Variants in HOXA6 observed in about 807,000 individuals in gnomAD.
The protein encoded by HOXA6 is homeobox protein Hox-A6.
HOXA6 carries 19 observed loss-of-function variants against 23.2 expected under a neutral mutation model. That is an observed-to-expected ratio of 0.82 (90% CI 0.57 to 1.20). The LOEUF is 1.20. Ranked by LOEUF, HOXA6 falls within the 50% of genes most tolerant of loss-of-function variation. The probability of loss-of-function intolerance (pLI) is 0.00; values close to 1 mark genes in which losing one functional copy is unlikely to be tolerated. For synonymous variants in HOXA6, 140 were observed against 132.6 expected (o/e 1.06, Z -0.38); for missense variants, 346 against 313.6 (o/e 1.10, Z -0.78).
chr7:27,146,100 T>C (rs1481241593), intron 1 of HOXA6, among the ~76,000 whole-genome samples, 183 bp from the exon 2 acceptor site: 2 of 152,230 alleles, frequency 1.3e-5, no homozygotes, highest in African/African-American at 2.4e-5. Flanking sequence ...AGCGAGATGT[T>C]TTCCACCTAT....
chr7:27,147,058 G>A (rs1261424934), intron 1 of HOXA6: 1 of 554,466 alleles, frequency 1.8e-6, no homozygotes, highest in South Asian at 2.5e-5. Flanking sequence ...TCTCATATAC[G>A]TGCCAGTGCC....
rs771103652 is a variant in HOXA6 at position 27,145,777 on chromosome 7, T to C, written c.583A>G (p.Thr195Ala). ...AACCAGATCTTGATCTGGCGCTCGGTGAGGCAGAGCGCGTTGGCGATCTCG... is the reference window on the plus strand; with the variant it reads ...AACCAGATCTTGATCTGGCGCTCGGCGAGGCAGAGCGCGTTGGCGATCTCG... ...RIEIANALCL[T>A]ERQIKIWFQN... Residue 195 changes from threonine to alanine, a missense_variant, in exon 2 of 2, where the codon ACC becomes GCC. By Grantham distance (58) the Thr-to-Ala change is moderately conservative (BLOSUM62 0). Coordinates refer to ENST00000222728, the MANE Select transcript of HOXA6 (RefSeq NM_024014.4). The C allele has an allele frequency of 2.0e-5, 33 of 1,614,104 alleles. No individual in the cohort carries two copies. The highest frequency in any genetic ancestry group is 2.8e-5 in the Non-Finnish European group (33 of 1,180,038).
chr7:27,147,387 T>TC lies in HOXA6; in HGVS notation c.362_363insG (p.Ala122SerfsTer4). ...GGTCGGCGCCTTCGTCATGGAGTGC[T>TC]TTGCCCTGCCCGCTGCTGCTGTCGG... On this transcript the variant is annotated frameshift_variant, in exon 1 of 2. Coordinates refer to ENST00000222728, the MANE Select transcript of HOXA6 (RefSeq NM_024014.4). LOFTEE classifies it high-confidence loss of function. 1 of 1,614,196 alleles carries TC rather than the reference T, an allele frequency of 6.2e-7. No homozygotes were observed. Among genetic ancestry groups the TC allele is most frequent in the Non-Finnish European group, 8.5e-7 (1 of 1,180,032 alleles).
Position 27,147,681 on chromosome 7 carries a change from G to C in HOXA6, c.69C>G (p.Gly23=), listed in dbSNP as rs149022222. ...AGCCAGCCTGGTAGAGGGGCAGCTGGCCCAAGAAGGAGTCCTGGCCGCTGG... is the reference window on the plus strand; with the variant it reads ...AGCCAGCCTGGTAGAGGGGCAGCTGCCCCAAGAAGGAGTCCTGGCCGCTGG... ...SLPSGQDSFL[G]QLPLYQAGYD... Residue 23 remains glycine, a synonymous_variant, in exon 1 of 2, where the codon GGC becomes GGG. Coordinates refer to ENST00000222728, the MANE Select transcript of HOXA6 (RefSeq NM_024014.4). 6.8e-6 allele frequency: 11 copies of C among 1,613,812 alleles called. No individual in the cohort carries two copies. In the African/African-American group the frequency reaches 1.5e-4, roughly 22 times the overall value.
rs1359587108 is a variant in HOXA6 at position 27,145,953 on chromosome 7, G to A, written c.443-36C>T. 2.5e-6 allele frequency: 4 copies of A among 1,593,948 alleles called. No homozygotes were observed. The Admixed American group carries it at 5.1e-5, about 20-fold the overall frequency. The stretch of plus-strand genomic sequence containing the variant: ...AAACGGCCGGGCGCCGGTAAGCCAG[G>A]GCCTGGAGGGTTGACCCAGTCAGCC... On this transcript the variant is annotated intron_variant, in intron 1 of 1. Transcript: ENST00000222728.
At chr7:27,146,682 G>A (rs1486046613) in intron 1 of HOXA6, among the ~76,000 whole-genome samples, 1 of 152,150 alleles carries the variant, frequency 6.6e-6, no homozygotes, top group Non-Finnish European at 1.5e-5. Flanking sequence ...AAGGGTGGTG[G>A]GGGGTCCCTC....
chr7:27,147,757 C>A lies in HOXA6; in HGVS notation c.-8G>T. 1 of 1,600,812 alleles carries A rather than the reference C, an allele frequency of 6.2e-7. No individual in the cohort carries two copies. The highest frequency in any genetic ancestry group is 8.5e-7 in the Non-Finnish European group (1 of 1,177,102). On this transcript the variant is annotated 5_prime_UTR_variant, in exon 1 of 2. Transcript: ENST00000222728. ...CACAAAATAGGAACTCATTTGCGCG[C>A]CCCTCTGCAGGACTGTGATTTGTTG...
chr7:27,146,775 G>A (rs1197325696), intron 1 of HOXA6, among the ~76,000 whole-genome samples: 1 of 152,204 alleles, frequency 6.6e-6, no homozygotes, highest in African/African-American at 2.4e-5. Context: ...AGAAGCCGGG[G>A]GAGATGAGGG....
At position 27,147,393 on chromosome 7, in the gene HOXA6, C is replaced by CT. The variant is rs1231424522; in HGVS notation, c.356dup (p.Lys121GlnfsTer5). On this transcript the variant is annotated frameshift_variant, in exon 1 of 2. Coordinates refer to ENST00000222728, the MANE Select transcript of HOXA6 (RefSeq NM_024014.4). LOFTEE classifies it high-confidence loss of function. Reference sequence around the variant, plus strand: ...CGCCTTCGTCATGGAGTGCTTTGCCCTGCCCGCTGCTGCTGTCGGGTTTGT... The same window carrying CT: ...CGCCTTCGTCATGGAGTGCTTTGCCCTTGCCCGCTGCTGCTGTCGGGTTTGT... 6 of 1,614,110 alleles carry CT rather than the reference C, an allele frequency of 3.7e-6. No individual in the cohort carries two copies. The highest frequency in any genetic ancestry group is 5.1e-6 in the Non-Finnish European group (6 of 1,180,052).
At chr7:27,146,063 T>C in intron 1 of HOXA6, 146 bp from the exon 2 acceptor site, 1 of 909,932 alleles carries the variant, frequency 1.1e-6, no homozygotes, top group Non-Finnish European at 1.6e-6. Context: ...GCCCAAAGCA[T>C]ACTGAATGGG....
At chr7:27,147,038 C>G in intron 1 of HOXA6, 1 of 529,158 alleles carries the variant, frequency 1.9e-6, no homozygotes, top group Non-Finnish European at 3.3e-6. Flanking sequence ...CAGGCTGTCC[C>G]TGTCACAGGT....
intron 1 of HOXA6, 141 bp downstream of exon 1, chr7:27,147,167 C>CTTT (rs1782796933): frequency 5.6e-6 from 5 of 893,512 alleles, no homozygotes; most frequent in Non-Finnish European, 6.6e-6. Flanking sequence ...TTTTTCTTCT[C>CTTT]TTTTAAGAAG....
In HOXA6 at chr7:27,147,566, T is replaced by A. The variant is rs1374676181; in HGVS notation, c.184A>T (p.Asn62Tyr). Residue 62 changes from asparagine (N) to tyrosine (Y), a missense_variant, in exon 1 of 2, where the codon AAC becomes TAC. Asn to Tyr is a moderately radical substitution (Grantham distance 143). Transcript: ENST00000222728. The part of the protein sequence containing the change: ...YTSPCFYQQS[N>Y]SVLACNRASY... ...GCCCGGTTGCAGGCCAGGACCGAGT[T>A]GGACTGTTGGTAGAAACAAGGTGAG... The A allele has an allele frequency of 6.2e-7, 1 of 1,614,152 alleles. No homozygotes were observed. Among genetic ancestry groups the A allele is most frequent in the African/African-American group, 1.3e-5 (1 of 75,032 alleles).
chr7:27,147,745 C>T lies in HOXA6; in HGVS notation c.5G>A (p.Ser2Asn), dbSNP rs1256727865. Residue 2 changes from serine to asparagine, a missense_variant, in exon 1 of 2, where the codon AGT (serine) becomes AAT (asparagine). By Grantham distance (46) the Ser-to-Asn change is conservative. Transcript: ENST00000222728. ...GAAAGTGGGATTCACAAAATAGGAA[C>T]TCATTTGCGCGCCCCTCTGCAGGAC... M[S>N]SYFVNPTFPG... 6 of 1,604,760 alleles carry T rather than the reference C, an allele frequency of 3.7e-6. No individual in the cohort carries two copies. Among genetic ancestry groups the T allele is most frequent in the Non-Finnish European group, 5.1e-6 (6 of 1,178,164 alleles).
rs1305131798 is a variant in HOXA6, at chr7:27,145,811, G to A, written c.549C>T (p.Arg183=). 5 of 1,614,158 alleles carry A rather than the reference G, an allele frequency of 3.1e-6. No individual in the cohort carries two copies. The highest frequency in any genetic ancestry group is 4.2e-6 in the Non-Finnish European group (5 of 1,180,056). ...EFHFNRYLTR[R]RRIEIANALC... ...GCGCGTTGGCGATCTCGATGCGGCG[G>A]CGCCGTGTCAGGTAGCGGTTGAAGT... The change falls in exon 2 of 2, where the codon CGC becomes CGT. Residue 183 remains arginine (R), a synonymous_variant. Transcript: ENST00000222728.
In HOXA6 at chr7:27,147,640, G is replaced by T. The variant is rs1197126580; in HGVS notation, c.110C>A (p.Pro37His). ...CGACGCCCCGTACGAGGCCGGGAAG[G>T]GCCTCAGCGCGTCATAGCCAGCCTG... Reference protein sequence around the residue: ...LYQAGYDALRPFPASYGASSL... With the variant: ...LYQAGYDALRHFPASYGASSL... Residue 37 changes from proline to histidine, a missense_variant, in exon 1 of 2, where the codon CCC becomes CAC. Pro to His is a moderately conservative substitution (Grantham distance 77). Coordinates refer to ENST00000222728, the MANE Select transcript of HOXA6 (RefSeq NM_024014.4). The T allele has an allele frequency of 1.9e-6, 3 of 1,614,104 alleles. No homozygotes were observed. In the African/African-American group the frequency reaches 4.0e-5, roughly 22 times the overall value.
At chr7:27,146,040 C>G (rs1398028143) in intron 1 of HOXA6, 123 bp from the exon 2 acceptor site, 1 of 1,155,288 alleles carries the variant, frequency 8.7e-7, no homozygotes, top group Non-Finnish European at 1.2e-6. Context: ...CAGCCTCTCC[C>G]ACTATGTCTG....
chr7:27,145,803 A>G lies in HOXA6; in HGVS notation c.557T>C (p.Ile186Thr). 6.2e-7 allele frequency: 1 copy of G among 1,614,188 alleles called. No individual in the cohort carries two copies. Among genetic ancestry groups the G allele is most frequent in the Non-Finnish European group, 8.5e-7 (1 of 1,180,044 alleles). ...FNRYLTRRRRIEIANALCLTE... is the reference protein window; with the variant it reads ...FNRYLTRRRRTEIANALCLTE... ...GAGGCAGAGCGCGTTGGCGATCTCG[A>G]TGCGGCGGCGCCGTGTCAGGTAGCG... The change falls in exon 2 of 2, where the codon ATC (isoleucine) becomes ACC (threonine). Residue 186 changes from isoleucine to threonine, a missense_variant. Transcript: ENST00000222728.
Position 27,147,408 on chromosome 7 carries a change from G to A in HOXA6, c.342C>T (p.Asp114=). ...HFSPEQQYKP[D]SSSGQGKALH... ...GTGCTTTGCCCTGCCCGCTGCTGCTGTCGGGTTTGTACTGCTGCTCGGGAG... is the reference window on the plus strand; with the variant it reads ...GTGCTTTGCCCTGCCCGCTGCTGCTATCGGGTTTGTACTGCTGCTCGGGAG... Residue 114 remains aspartate (D), a synonymous_variant, in exon 1 of 2, where the codon GAC becomes GAT. Coordinates refer to ENST00000222728, the MANE Select transcript of HOXA6 (RefSeq NM_024014.4). The A allele has an allele frequency of 1.2e-6, 2 of 1,614,240 alleles. No individual in the cohort carries two copies. The highest frequency in any genetic ancestry group is 1.7e-6 in the Non-Finnish European group (2 of 1,180,050).
Sources: allele counts gnomAD v4.1 joint callset (sites outside exome capture counted in the v4.1 genomes callset), GRCh38; gene constraint gnomAD v4.1.1; transcripts MANE v1.5; gene names NCBI Gene and HGNC (gene_info 2026-07-23, HGNC 2026-07-21).